Variants in TBC1D2B observed in about 807,000 individuals in gnomAD.
TBC1D2B encodes the protein TBC1 domain family, member 2B.
Under a neutral mutation model 100.8 loss-of-function variants are expected in TBC1D2B, and 64 were observed. The ratio of observed to expected loss-of-function variants is 0.64; its 90% CI spans 0.52 to 0.78. The LOEUF (loss-of-function observed/expected upper bound fraction) is 0.78, where lower values mean the gene tolerates loss of function less well. TBC1D2B is among the 30% of genes least tolerant of loss of function. The pLI is 0.00. For missense variants in TBC1D2B, 1,052 were observed against 1,218.4 expected, an observed-to-expected ratio of 0.86 and a Z score of 2.03; for synonymous variants, 480 against 479.7, an observed-to-expected ratio of 1.00 and a Z score of -0.01.
At chr15:78,009,575 A>C (rs566314870) in intron 9 of TBC1D2B, among the ~76,000 whole-genome samples, 1 of 152,188 alleles carries the variant, frequency 6.6e-6, no homozygotes, top group African/African-American at 2.4e-5. Flanking sequence ...CATTTCCTAA[A>C]ATTTGAGAAG....
At position 78,013,113 on chromosome 15, in the gene TBC1D2B, A is replaced by G. The variant is rs1462374035; in HGVS notation, c.1980T>C (p.Arg660=). ...AACGGTGCTCGTGGGGAATGCCCGC[A>G]CGGATGAGGTTTTTTAACTCTGGAG... ...MCSPELKNLI[R]AGIPHEHRSK... Residue 660 remains arginine (R), a synonymous_variant, in exon 9 of 13, where the codon CGT becomes CGC. Transcript: ENST00000300584. The G allele has an allele frequency of 1.2e-6, 2 of 1,613,986 alleles. No homozygotes were observed. The highest frequency in any genetic ancestry group is 1.3e-5 in the African/African-American group (1 of 75,030).
chr15:78,065,705 C>G (rs2073641683), intron 1 of TBC1D2B, among the ~76,000 whole-genome samples: 1 of 152,074 alleles, frequency 6.6e-6, no homozygotes, highest in African/African-American at 2.4e-5. Context: ...CTTCCACACA[C>G]TATGCAATAC....
At chr15:78,018,527 G>T (rs1345551948) in intron 6 of TBC1D2B, among the ~76,000 whole-genome samples, 1 of 152,184 alleles carries the variant, frequency 6.6e-6, no homozygotes, top group Non-Finnish European at 1.5e-5. Flanking sequence ...CAGAAAAGTT[G>T]AAAGAAAAGT....
intron 6 of TBC1D2B, among the ~76,000 whole-genome samples, chr15:78,021,417 T>G (rs2072513051): frequency 1.3e-5 from 2 of 152,222 alleles, no homozygotes; most frequent in South Asian, 4.1e-4. Flanking sequence ...TGTCTAGAGC[T>G]GAAGGGCTAT....
intron 8 of TBC1D2B, among the ~76,000 whole-genome samples, chr15:78,015,073 C>A (rs962661814): frequency 2.6e-5 from 4 of 152,008 alleles, no homozygotes; most frequent in African/African-American, 2.4e-5. Flanking sequence ...TGGTGGTGGG[C>A]GCCTGTAGTC....
At chr15:78,057,373 G>A (rs1159630605) in intron 1 of TBC1D2B, among the ~76,000 whole-genome samples, 3 of 152,146 alleles carry the variant, frequency 2.0e-5, no homozygotes, top group South Asian at 2.1e-4. Flanking sequence ...CTGCTATGGC[G>A]GCTCACACCT....
intron 3 of TBC1D2B, among the ~76,000 whole-genome samples, chr15:78,038,198 T>C (rs1299914598): frequency 6.6e-6 from 1 of 152,236 alleles, no homozygotes; most frequent in African/African-American, 2.4e-5. Flanking sequence ...TGTGAGGTGC[T>C]GGGGTAAACC....
Position 78,003,410 on chromosome 15 carries a change from G to A in TBC1D2B, c.2469C>T (p.Asp823=). The change falls in exon 11 of 13, where the codon GAC becomes GAT. Residue 823 remains aspartate (D), a synonymous_variant. Transcript: ENST00000300584. Reference sequence around the variant, plus strand: ...ACCAGTTGAAAGTGATGAGAGTGTAGTCGACTTTGTACTGTTCAAAGTGGC... The same window carrying A: ...ACCAGTTGAAAGTGATGAGAGTGTAATCGACTTTGTACTGTTCAAAGTGGC... ...LHGHFEQYKV[D]YTLITFNWFL... 6.2e-7 allele frequency: 1 copy of A among 1,613,944 alleles called. No homozygotes were observed. Among genetic ancestry groups the A allele is most frequent in the South Asian group, 1.1e-5 (1 of 91,088 alleles).
intron 8 of TBC1D2B, 143 bp downstream of exon 8, chr15:78,016,403 C>T (rs987188214): frequency 1.7e-5 from 12 of 724,522 alleles, no homozygotes; most frequent in Admixed American, 5.5e-5. Context: ...AAGACATTAC[C>T]GTTCTGCTGA....
chr15:78,019,405 C>T (rs575608694), intron 6 of TBC1D2B, among the ~76,000 whole-genome samples: 19 of 152,156 alleles, frequency 1.2e-4, no homozygotes, highest in Non-Finnish European at 2.4e-4. Context: ...GAGAGCCAGA[C>T]CAGTGGGCTC....
intron 1 of TBC1D2B, among the ~76,000 whole-genome samples, chr15:78,072,614 G>C (rs773925907): frequency 6.6e-6 from 1 of 152,218 alleles, no homozygotes; most frequent in Non-Finnish European, 1.5e-5. Context: ...ATTCAGTTAC[G>C]TGTGGCTCAG....
chr15:78,024,856 G>T (rs1300602415), intron 5 of TBC1D2B, among the ~76,000 whole-genome samples: 1 of 152,168 alleles, frequency 6.6e-6, no homozygotes, highest in African/African-American at 2.4e-5. Context: ...CTGAACTGCT[G>T]AACAATTAAA....
At chr15:78,025,981 C>T (rs1596315035) in intron 4 of TBC1D2B, among the ~76,000 whole-genome samples, 1 of 151,202 alleles carries the variant, frequency 6.6e-6, no homozygotes, top group Non-Finnish European at 1.5e-5. Context: ...TAGATAGTAA[C>T]CAACATGCTT....
intron 10 of TBC1D2B, among the ~76,000 whole-genome samples, chr15:78,006,663 T>A (rs530373229): frequency 1.3e-5 from 2 of 152,166 alleles, no homozygotes; most frequent in Non-Finnish European, 2.9e-5. Flanking sequence ...CGGTGGCACC[T>A]CAGGCAAATT....
intron 10 of TBC1D2B, among the ~76,000 whole-genome samples, chr15:78,004,264 A>C (rs1368998169): frequency 6.6e-6 from 1 of 152,220 alleles, no homozygotes; most frequent in African/African-American, 2.4e-5. Context: ...AAAGATGAGA[A>C]GGGAAGGCCA....
rs151311732 is a variant in TBC1D2B, at chr15:78,056,427, C to T, written c.361-2240G>A. Among the ~76,000 whole-genome samples, 16 of 152,316 alleles carry T rather than the reference C, an allele frequency of 1.1e-4. No individual in the cohort carries two copies. In the East Asian group the frequency reaches 2.7e-3, roughly 26 times the overall value. On this transcript the variant is annotated intron_variant, in intron 1 of 12. Transcript: ENST00000300584. ...GGTGAAAATGGTGGTGAGGGAAAGG[C>T]AGGTGCACAGTTTGCATAGGAGGAG...
At chr15:78,008,498 T>C (rs966465733) in intron 10 of TBC1D2B, among the ~76,000 whole-genome samples, 3 of 152,324 alleles carry the variant, frequency 2.0e-5, no homozygotes, top group Non-Finnish European at 4.4e-5. Flanking sequence ...CAGGACTGCA[T>C]GGTGGTCACT....
intron 3 of TBC1D2B, among the ~76,000 whole-genome samples, chr15:78,039,776 A>C (rs547575965): frequency 1.3e-5 from 2 of 151,520 alleles, no homozygotes; most frequent in African/African-American, 4.9e-5. Flanking sequence ...ACACACACAC[A>C]CACACACACG....
rs1198159347 is a variant in TBC1D2B at position 78,011,547 on chromosome 15, C to T, written c.2270+1276G>A. Reference sequence around the variant, plus strand: ...GTGTAGTGGTGTGATCACAGCTCACCGCAGCCTCAACCTCCTGGGCTCAAG... The same window carrying T: ...GTGTAGTGGTGTGATCACAGCTCACTGCAGCCTCAACCTCCTGGGCTCAAG... On this transcript the variant is annotated intron_variant, in intron 9 of 12. Coordinates refer to ENST00000300584, the MANE Select transcript of TBC1D2B (RefSeq NM_144572.2). Among the ~76,000 whole-genome samples, 8 of 150,904 alleles carry T rather than the reference C, an allele frequency of 5.3e-5. No homozygotes were observed. In the South Asian group the frequency reaches 6.3e-4, roughly 12 times the overall value.
Sources: gnomAD v4.1 joint callset for allele counts (sites outside exome capture counted in the v4.1 genomes callset) on GRCh38, gnomAD v4.1.1 for gene constraint, MANE v1.5 for transcripts, NCBI Gene and HGNC (gene_info 2026-07-23, HGNC 2026-07-21) for gene names.